The following ANK2 variants were observed in gnomAD, a reference collection of about 807,000 sequenced individuals.
The protein encoded by ANK2 is ankyrin-2.
ANK2 carries 83 observed loss-of-function variants against 360.5 expected under a neutral mutation model. The ratio of observed to expected loss-of-function variants is 0.23; its 90% CI spans 0.19 to 0.28. ANK2 has a LOEUF of 0.28. Among genes scored for constraint, ANK2 ranks in the 10% least tolerant of loss-of-function variants. The probability of loss-of-function intolerance (pLI) is 1.00; values close to 1 mark genes in which losing one functional copy is unlikely to be tolerated. For missense variants in ANK2, 4,201 were observed against 4,795.7 expected (o/e 0.88, Z 3.66); for synonymous variants, 1,740 against 1,759.5 (o/e 0.99, Z 0.28).
At chr4:112,748,281 G>C in the ANK2 span, among the ~76,000 whole-genome samples, 1 of 152,148 alleles carries the variant, frequency 6.6e-6, no homozygotes, top group African/African-American at 2.4e-5. Context: ...AGTGGTTATT[G>C]TGGGTTTTAT....
At chr4:112,874,642 C>CAAAA (rs1160396405) in intron 1 of ANK2, among the ~76,000 whole-genome samples, 2 of 79,602 alleles carry the variant, frequency 2.5e-5, no homozygotes, top group Non-Finnish European at 4.9e-5. Context: ...GACGCCATCT[C>CAAAA]AAAAAAAAAA....
At chr4:112,740,926 G>A in the ANK2 span, among the ~76,000 whole-genome samples, 1 of 151,860 alleles carries the variant, frequency 6.6e-6, no homozygotes. Flanking sequence ...GGAGGCAGAG[G>A]TTGCAGTGAG....
chr4:113,039,478 C>T (rs1164540014), intron 2 of ANK2, among the ~76,000 whole-genome samples: 1 of 152,000 alleles, frequency 6.6e-6, no homozygotes, highest in Non-Finnish European at 1.5e-5. Context: ...CAGCTCTCTA[C>T]TTGTAATGCC....
the ANK2 span, among the ~76,000 whole-genome samples, chr4:112,791,496 T>C: frequency 6.9e-6 from 1 of 144,600 alleles, no homozygotes; most frequent in Non-Finnish European, 1.5e-5. Context: ...TTTTTTTTTT[T>C]TTTTTTTCTT....
chr4:113,277,714 G>T (rs1192500916), intron 15 of ANK2, 123 bp from the exon 16 acceptor site: 1 of 732,916 alleles, frequency 1.4e-6, no homozygotes, highest in African/African-American at 1.8e-5. Flanking sequence ...CAGATTTAAT[G>T]CTACCAGTAT....
At chr4:112,795,210 C>T in the ANK2 span, among the ~76,000 whole-genome samples, 2 of 152,200 alleles carry the variant, frequency 1.3e-5, no homozygotes, top group Non-Finnish European at 2.9e-5. Context: ...GAGATTACCA[C>T]TCTCCACTGT....
chr4:113,358,559 C>G lies in ANK2; in HGVS notation c.9941C>G (p.Pro3314Arg). The G allele has an allele frequency of 6.2e-7, 1 of 1,614,074 alleles. No individual in the cohort carries two copies. The highest frequency in any genetic ancestry group is 8.5e-7 in the Non-Finnish European group (1 of 1,179,962). ...IPVRTMPTSTPAPPSAEYESS... is the reference protein window; with the variant it reads ...IPVRTMPTSTRAPPSAEYESS... ...GTAAGGACTATGCCCACTTCCACCC[C>G]AGCACCTCCATCTGCAGAGTATGAG... The change falls in exon 38 of 46, where the codon CCA becomes CGA. Residue 3314 changes from proline (P) to arginine (R), a missense_variant. Pro to Arg is a moderately radical substitution (Grantham distance 103). This residue lies in a region of ANK2 where 2,642 missense variants were observed against 2,714.5 expected (regional missense o/e 0.97). Coordinates refer to ENST00000357077, the MANE Select transcript of ANK2 (RefSeq NM_001148.6).
intron 1 of ANK2, among the ~76,000 whole-genome samples, chr4:113,132,871 T>C (rs192952510): frequency 6.6e-6 from 1 of 152,258 alleles, no homozygotes; most frequent in East Asian, 1.9e-4. Flanking sequence ...TACCTGCTGA[T>C]ATTGATTATG....
chr4:113,238,758 T>C (rs1234223221), intron 7 of ANK2, among the ~76,000 whole-genome samples: 2 of 152,168 alleles, frequency 1.3e-5, no homozygotes, highest in East Asian at 1.9e-4. Flanking sequence ...CGTCTAATCC[T>C]GTAGAAATGT....
intron 4 of ANK2, among the ~76,000 whole-genome samples, chr4:113,208,145 G>A (rs1292164353): frequency 6.6e-6 from 1 of 150,884 alleles, no homozygotes; most frequent in Non-Finnish European, 1.5e-5. Context: ...GCTTGGGGGT[G>A]GAACAAGCTC....
the ANK2 span, among the ~76,000 whole-genome samples, chr4:112,777,218 C>T: frequency 6.6e-6 from 1 of 152,026 alleles, no homozygotes; most frequent in African/African-American, 2.4e-5. Flanking sequence ...GGAACTGGCT[C>T]ACCAAGTAAA....
chr4:112,749,289 C>T, the ANK2 span, among the ~76,000 whole-genome samples: 1 of 152,138 alleles, frequency 6.6e-6, no homozygotes, highest in African/African-American at 2.4e-5. Flanking sequence ...GTAATGTTAC[C>T]AGTGATATCA....
chr4:112,790,484 C>CT, the ANK2 span, among the ~76,000 whole-genome samples: 1,795 of 113,722 alleles, frequency 0.016, 22 homozygotes, highest in Non-Finnish European at 0.02. Context: ...CTTTTCTTTT[C>CT]TTTTTTTTTT....
At chr4:112,970,069 C>T (rs527979096) in intron 2 of ANK2, among the ~76,000 whole-genome samples, 8 of 150,902 alleles carry the variant, frequency 5.3e-5, no homozygotes, top group Non-Finnish European at 1.2e-4. Context: ...CTGCAACCGC[C>T]GCCTCCCAGG....
chr4:113,369,863 T>G (rs1269527733), intron 43 of ANK2, 58 bp downstream of exon 43: 1 of 1,609,260 alleles, frequency 6.2e-7, no homozygotes, highest in African/African-American at 1.3e-5. Flanking sequence ...AATCTTCCAG[T>G]TTCCATTTCT....
At chr4:113,020,970 T>G (rs961802122) in intron 2 of ANK2, among the ~76,000 whole-genome samples, 3 of 152,166 alleles carry the variant, frequency 2.0e-5, no homozygotes, top group African/African-American at 7.2e-5. Flanking sequence ...AATAAATGAT[T>G]TTTCTTTCTT....
chr4:113,372,691 C>G (rs1450355211), intron 43 of ANK2: 2 of 1,153,326 alleles, frequency 1.7e-6, no homozygotes, highest in Non-Finnish European at 2.5e-6. Flanking sequence ...AGTGATCAAC[C>G]TGGATCAATG....
At chr4:113,052,139 T>C (rs2067336462) in intron 1 of ANK2, among the ~76,000 whole-genome samples, 1 of 152,206 alleles carries the variant, frequency 6.6e-6, no homozygotes, top group South Asian at 2.1e-4. Flanking sequence ...TTTCACATTA[T>C]TTTGCACAGC....
At chr4:112,942,710 G>A (rs137906535) in intron 2 of ANK2, among the ~76,000 whole-genome samples, 70 of 151,874 alleles carry the variant, frequency 4.6e-4, no homozygotes, top group Middle Eastern at 3.4e-3. Flanking sequence ...TTATGGTTGG[G>A]TTTGTGTGTG....
Sources: allele counts gnomAD v4.1 joint callset (sites outside exome capture counted in the v4.1 genomes callset), GRCh38; gene constraint gnomAD v4.1.1; regional missense constraint gnomAD v4.1.1; transcripts MANE v1.5; gene names NCBI Gene and HGNC (gene_info 2026-07-23, HGNC 2026-07-21).